The following ABI3BP variants were observed in gnomAD, a reference collection of about 807,000 sequenced individuals.
The protein encoded by ABI3BP is ABI family member 3 binding protein.
A neutral mutation model predicts 268.6 loss-of-function variants in ABI3BP; 216 were observed. The ratio of observed to expected loss-of-function variants is 0.80; its 90% CI spans 0.72 to 0.90. ABI3BP has a LOEUF of 0.90. ABI3BP is among the 40% of genes least tolerant of loss of function. The pLI is 0.00. For missense variants in ABI3BP, 2,090 were observed against 2,182.4 expected (o/e 0.96, Z 0.84); for synonymous variants, 730 against 730.0 (o/e 1.00, Z 0.00).
chr3:100,911,834 T>A, intron 2 of ABI3BP: 1 of 1,596,336 alleles, frequency 6.3e-7, no homozygotes, highest in Non-Finnish European at 8.6e-7. Flanking sequence ...CCTGCAAGTT[T>A]TTGTGAAGCA....
intron 20 of ABI3BP, chr3:100,844,230 C>A (rs13098936): frequency 5.1e-6 from 5 of 985,216 alleles, no homozygotes; most frequent in Non-Finnish European, 6.0e-6. Context: ...ATTCTATCCA[C>A]GTTGGAAGAC....
chr3:100,963,176 T>A (rs562381543), intron 1 of ABI3BP, among the ~76,000 whole-genome samples: 1 of 152,142 alleles, frequency 6.6e-6, no homozygotes, highest in Non-Finnish European at 1.5e-5. Context: ...ATTTCCAAGA[T>A]GAGAAATGGA....
chr3:100,982,879 T>G (rs2090225028), intron 1 of ABI3BP, among the ~76,000 whole-genome samples: 1 of 152,168 alleles, frequency 6.6e-6, no homozygotes, highest in Middle Eastern at 3.4e-3. Context: ...AGAAGGAAAT[T>G]GTCCTGCATC....
intron 14 of ABI3BP, among the ~76,000 whole-genome samples, chr3:100,861,067 T>C (rs1202648991): frequency 6.6e-6 from 1 of 152,104 alleles, no homozygotes; most frequent in Non-Finnish European, 1.5e-5. Context: ...TAAAGGGGTT[T>C]TTGCACCCAC....
At chr3:100,755,045 A>G (rs1272417035) in intron 63 of ABI3BP, among the ~76,000 whole-genome samples, 2 of 152,188 alleles carry the variant, frequency 1.3e-5, no homozygotes, top group Non-Finnish European at 2.9e-5. Flanking sequence ...AAGATGTCTC[A>G]GCTACTTCCT....
At position 100,926,381 on chromosome 3, in the gene ABI3BP, G is replaced by A. The variant is rs374993903; in HGVS notation, c.180C>T (p.Leu60=). 3.0e-5 allele frequency: 48 copies of A among 1,613,374 alleles called. No homozygotes were observed. The highest frequency in any genetic ancestry group is 3.7e-5 in the Non-Finnish European group (44 of 1,179,608). Residue 60 remains leucine (L), a synonymous_variant, in exon 2 of 68, where the codon CTC becomes CTT. Coordinates refer to ENST00000471714, the MANE Select transcript of ABI3BP (RefSeq NM_001375547.2). ...GTGATACATTGCTGCCATATCCCAG[G>A]AGAAGACCTTCAAGCTTTACATTTG... ...PSPNVKLEGL[L]LGYGSNVSPN... is the part of the protein sequence containing the mutation.
chr3:100,794,597 A>G (rs2097289998), intron 54 of ABI3BP, among the ~76,000 whole-genome samples: 1 of 151,992 alleles, frequency 6.6e-6, no homozygotes, highest in Non-Finnish European at 1.5e-5. Flanking sequence ...AGTTTAAAAT[A>G]CAGAAAAAGC....
At chr3:100,844,144 T>C in intron 20 of ABI3BP, 1 of 985,364 alleles carries the variant, frequency 1.0e-6, no homozygotes, top group Non-Finnish European at 1.2e-6. Flanking sequence ...GGTCTGTAAA[T>C]GACTAAGCCA....
rs115635988 is a variant in ABI3BP, at chr3:100,767,055, C to T, written c.4742-1106G>A. 8.0e-3 allele frequency among the ~76,000 whole-genome samples: 1,222 copies of T among 152,180 alleles called. 22 individuals carry two copies. Among genetic ancestry groups the T allele is most frequent in the African/African-American group, 0.028 (1,163 of 41,524 alleles). On this transcript the variant is annotated intron_variant, in intron 62 of 67. Coordinates refer to ENST00000471714, the MANE Select transcript of ABI3BP (RefSeq NM_001375547.2). ...GAGGCTCACTGCAACCTCCGCCTCCCGGGGTCATGCTATCCTCCCACCTCA... is the reference window on the plus strand; with the variant it reads ...GAGGCTCACTGCAACCTCCGCCTCCTGGGGTCATGCTATCCTCCCACCTCA...
At chr3:100,919,702 C>T (rs891646258) in intron 2 of ABI3BP, among the ~76,000 whole-genome samples, 2 of 152,164 alleles carry the variant, frequency 1.3e-5, no homozygotes, top group Non-Finnish European at 1.5e-5. Context: ...TAAATTAAAG[C>T]GTCATGCACT....
intron 1 of ABI3BP, among the ~76,000 whole-genome samples, chr3:100,965,890 A>T (rs955684068): frequency 5.3e-5 from 8 of 152,230 alleles, no homozygotes; most frequent in Non-Finnish European, 1.2e-4. Flanking sequence ...TAAAATGTCC[A>T]TTATTTGGAC....
chr3:100,890,465 C>T (rs1335912853), intron 4 of ABI3BP, among the ~76,000 whole-genome samples: 1 of 152,090 alleles, frequency 6.6e-6, no homozygotes, highest in African/African-American at 2.4e-5. Flanking sequence ...TAATTGTATT[C>T]CACTTCCTTA....
intron 37 of ABI3BP, among the ~76,000 whole-genome samples, chr3:100,822,947 A>G (rs1322916871): frequency 6.6e-6 from 1 of 152,184 alleles, no homozygotes; most frequent in East Asian, 1.9e-4. Context: ...ACTATTGCCA[A>G]ATTTTAATGG....
At chr3:100,943,935 A>G (rs2070803220) in intron 1 of ABI3BP, among the ~76,000 whole-genome samples, 2 of 152,146 alleles carry the variant, frequency 1.3e-5, no homozygotes, top group Non-Finnish European at 2.9e-5. Context: ...TTATAATGCT[A>G]TTTACCAGGG....
chr3:100,842,803 T>G (rs889460155), intron 20 of ABI3BP, among the ~76,000 whole-genome samples: 16 of 152,228 alleles, frequency 1.1e-4, no homozygotes, highest in African/African-American at 3.9e-4. Context: ...TTCTCATTAT[T>G]CTATCAACAA....
At position 100,823,455 on chromosome 3, in the gene ABI3BP, T is replaced by A. The variant is rs2098284615; in HGVS notation, c.2803+3A>T. The A allele has an allele frequency of 2.0e-6, 3 of 1,532,486 alleles. No homozygotes were observed. Among genetic ancestry groups the A allele is most frequent in the Non-Finnish European group, 2.6e-6 (3 of 1,145,128 alleles). 94.9% of individuals were successfully genotyped at this position (1,532,486 alleles called of 1,614,324 possible). On this transcript the variant is annotated splice_donor_region_variant and intron_variant, in intron 37 of 67. Coordinates refer to ENST00000471714, the MANE Select transcript of ABI3BP (RefSeq NM_001375547.2). ...CTTGTCGAAAACACTGTATCAACGT[T>A]ACCTAATGTTGTTGAGGCCTCAGGT...
At chr3:100,906,327 A>G (rs1166645277) in intron 2 of ABI3BP, among the ~76,000 whole-genome samples, 1 of 152,264 alleles carries the variant, frequency 6.6e-6, no homozygotes, top group African/African-American at 2.4e-5. Context: ...ACAGCCAATT[A>G]CAAATTGGAA....
At chr3:100,923,893 C>G (rs190910636) in intron 2 of ABI3BP, among the ~76,000 whole-genome samples, 63 of 152,194 alleles carry the variant, frequency 4.1e-4, no homozygotes, top group Non-Finnish European at 8.2e-4. Context: ...TTGTGAGAGA[C>G]CAGGCTGAGA....
At chr3:100,890,182 C>A (rs1419481783) in intron 4 of ABI3BP, among the ~76,000 whole-genome samples, 1 of 152,114 alleles carries the variant, frequency 6.6e-6, no homozygotes, top group East Asian at 1.9e-4. Flanking sequence ...TCCATACTTC[C>A]TTCAGGAATG....
Sources: allele counts gnomAD v4.1 joint callset (sites outside exome capture counted in the v4.1 genomes callset), GRCh38; gene constraint gnomAD v4.1.1; transcripts MANE v1.5; gene names NCBI Gene and HGNC (gene_info 2026-07-23, HGNC 2026-07-21).